The following ARFGEF3 variants were observed in gnomAD, a reference collection of about 807,000 sequenced individuals.
ARFGEF3 encodes brefeldin A-inhibited guanine nucleotide-exchange protein 3.
Under a neutral mutation model 221.7 loss-of-function variants are expected in ARFGEF3, and 96 were observed. That is an observed-to-expected ratio of 0.43 (90% CI 0.37 to 0.51). The LOEUF (loss-of-function observed/expected upper bound fraction) is 0.51, where lower values mean the gene tolerates loss of function less well. Among genes scored for constraint, ARFGEF3 ranks in the 20% least tolerant of loss-of-function variants. ARFGEF3 has a pLI of 0.00. For synonymous variants in ARFGEF3, 1,145 were observed against 1,126.8 expected (o/e 1.02, Z -0.32); for missense variants, 2,410 against 2,789.9 (o/e 0.86, Z 3.07).
intron 1 of ARFGEF3, among the ~76,000 whole-genome samples, chr6:138,164,281 G>A (rs1488644853): frequency 1.3e-5 from 2 of 152,076 alleles, no homozygotes; most frequent in East Asian, 3.9e-4. Context: ...TCAGAATCTA[G>A]CCCCAGCCTC....
At chr6:138,275,685 T>C (rs187515156) in intron 12 of ARFGEF3, among the ~76,000 whole-genome samples, 69 of 150,680 alleles carry the variant, frequency 4.6e-4, no homozygotes, top group African/African-American at 1.7e-3. Flanking sequence ...CAGAGGTTGC[T>C]GTGAGCCAAG....
chr6:138,282,874 C>A (rs1171697271), intron 14 of ARFGEF3, among the ~76,000 whole-genome samples: 1 of 152,002 alleles, frequency 6.6e-6, no homozygotes, highest in Non-Finnish European at 1.5e-5. Flanking sequence ...CATGGTGAAA[C>A]CCCATCTCTA....
At chr6:138,198,655 T>C (rs1431872754) in intron 2 of ARFGEF3, among the ~76,000 whole-genome samples, 1 of 152,046 alleles carries the variant, frequency 6.6e-6, no homozygotes, top group Non-Finnish European at 1.5e-5. Flanking sequence ...GGAAAGGTGC[T>C]GGCTGTGGCT....
chr6:138,256,055 T>C (rs1163763066), intron 10 of ARFGEF3, among the ~76,000 whole-genome samples: 1 of 152,190 alleles, frequency 6.6e-6, no homozygotes, highest in African/African-American at 2.4e-5. Context: ...CATGCTGAGA[T>C]TTCATTCTTC....
At chr6:138,219,001 CTA>C in intron 4 of ARFGEF3, among the ~76,000 whole-genome samples, 1 of 152,040 alleles carries the variant, frequency 6.6e-6, no homozygotes, top group African/African-American at 2.4e-5. Context: ...GTGCATAAAA[CTA>C]TATAGGATTA....
intron 7 of ARFGEF3, among the ~76,000 whole-genome samples, chr6:138,244,051 T>A (rs1055054878): frequency 6.6e-6 from 1 of 152,226 alleles, no homozygotes; most frequent in Non-Finnish European, 1.5e-5. Flanking sequence ...TGCGACTTCT[T>A]GGTCAAGGAT....
At chr6:138,293,263 G>C (rs569401853) in intron 19 of ARFGEF3, among the ~76,000 whole-genome samples, 4 of 152,180 alleles carry the variant, frequency 2.6e-5, no homozygotes, top group Admixed American at 6.5e-5. Flanking sequence ...CACATTGCTC[G>C]TTGTGGCCTC....
intron 33 of ARFGEF3, 111 bp downstream of exon 33, chr6:138,335,299 G>T (rs1164274793): frequency 3.5e-6 from 4 of 1,158,886 alleles, no homozygotes; most frequent in African/African-American, 1.6e-5. Flanking sequence ...AAACAGGTAG[G>T]GGGTATGAAC....
At chr6:138,277,474 G>A (rs1393068804) in intron 12 of ARFGEF3, among the ~76,000 whole-genome samples, 1 of 152,140 alleles carries the variant, frequency 6.6e-6, no homozygotes, top group Non-Finnish European at 1.5e-5. Context: ...CAGTCCTTCT[G>A]GTTATATCGG....
At chr6:138,276,979 T>C (rs942249285) in intron 12 of ARFGEF3, among the ~76,000 whole-genome samples, 17 of 152,208 alleles carry the variant, frequency 1.1e-4, no homozygotes, top group African/African-American at 3.9e-4. Flanking sequence ...CGTGTTTTGA[T>C]GTATTACATT....
chr6:138,271,451 C>A (rs1779001464), intron 12 of ARFGEF3, among the ~76,000 whole-genome samples: 1 of 152,128 alleles, frequency 6.6e-6, no homozygotes, highest in Non-Finnish European at 1.5e-5. Context: ...AATAGCTAAT[C>A]TAACATGGCA....
At chr6:138,218,486 A>G in intron 4 of ARFGEF3, 3 of 1,452,744 alleles carry the variant, frequency 2.1e-6, no homozygotes, top group African/African-American at 1.4e-5. Flanking sequence ...CGATATATTT[A>G]AGGTCCTAAC....
intron 10 of ARFGEF3, among the ~76,000 whole-genome samples, chr6:138,258,059 T>C (rs940390490): frequency 6.6e-6 from 1 of 152,216 alleles, no homozygotes; most frequent in African/African-American, 2.4e-5. Context: ...ATCACCACTG[T>C]TAACAATTTT....
intron 4 of ARFGEF3, among the ~76,000 whole-genome samples, chr6:138,214,607 A>G (rs930366790): frequency 4.6e-5 from 7 of 152,248 alleles, no homozygotes; most frequent in Non-Finnish European, 7.3e-5. Flanking sequence ...TAAACATGGA[A>G]GATTGAACCA....
intron 26 of ARFGEF3, among the ~76,000 whole-genome samples, chr6:138,315,216 G>A (rs1009567166): frequency 2.7e-4 from 41 of 152,310 alleles, no homozygotes; most frequent in African/African-American, 9.6e-4. Context: ...TGTTGAAGCT[G>A]AAGGCTCATC....
At chr6:138,185,178 C>G (rs1582999740) in intron 2 of ARFGEF3, among the ~76,000 whole-genome samples, 1 of 152,318 alleles carries the variant, frequency 6.6e-6, no homozygotes, top group African/African-American at 2.4e-5. Context: ...GTTCTTTCTT[C>G]CTCCAAAACG....
intron 8 of ARFGEF3, among the ~76,000 whole-genome samples, chr6:138,252,417 T>G (rs148673142): frequency 1.3e-3 from 203 of 152,364 alleles, no homozygotes; most frequent in African/African-American, 4.6e-3. Flanking sequence ...AATACTAATA[T>G]CAATGTCAGT....
At chr6:138,306,914 A>G (rs995158636) in intron 22 of ARFGEF3, among the ~76,000 whole-genome samples, 1 of 151,700 alleles carries the variant, frequency 6.6e-6, no homozygotes, top group Non-Finnish European at 1.5e-5. Context: ...CTGTGGAAAA[A>G]TATTTGCAAA....
rs760152378 is a variant in ARFGEF3, at chr6:138,170,722, T to C, written c.137+9T>C. The C allele has an allele frequency of 3.3e-6, 5 of 1,522,620 alleles. No individual in the cohort carries two copies. Among genetic ancestry groups the C allele is most frequent in the Middle Eastern group, 1.7e-4 (1 of 5,904 alleles). The allele number at this position is 1,522,620 out of a possible 1,614,324, so 94.3% of individuals were successfully genotyped here. Reference sequence around the variant, plus strand: ...CCTCCACATGTACTGAGGTAGGAGATGGACATTGTATAATATCACAGAAGT... The same window carrying C: ...CCTCCACATGTACTGAGGTAGGAGACGGACATTGTATAATATCACAGAAGT... On this transcript the variant is annotated intron_variant, in intron 2 of 33. Coordinates refer to ENST00000251691, the MANE Select transcript of ARFGEF3 (RefSeq NM_020340.5).
Sources: gnomAD v4.1 joint callset for allele counts (sites outside exome capture counted in the v4.1 genomes callset) on GRCh38, gnomAD v4.1.1 for gene constraint, MANE v1.5 for transcripts, NCBI Gene and HGNC (gene_info 2026-07-23, HGNC 2026-07-21) for gene names.